The following CHMP4B variants were observed in gnomAD, a reference collection of about 807,000 sequenced individuals.
CHMP4B encodes the protein SNF7 homolog associated with Alix 1.
Under a neutral mutation model 25.1 loss-of-function variants are expected in CHMP4B, and 1 was observed. The ratio of observed to expected loss-of-function variants is 0.04; its 90% CI spans 0.01 to 0.19. CHMP4B has a LOEUF of 0.19. Among genes scored for constraint, CHMP4B ranks in the 10% least tolerant of loss-of-function variants. The pLI, the probability that CHMP4B is intolerant of heterozygous loss-of-function variation, is 1.00. For missense variants in CHMP4B, 151 were observed against 289.7 expected (o/e 0.52, Z 3.48); for synonymous variants, 101 against 115.6 (o/e 0.87, Z 0.81).
rs55917511 is a variant in CHMP4B, at chr20:33,830,933, G to GT, written c.191-17518dup. 8.8e-3 allele frequency among the ~76,000 whole-genome samples: 900 copies of GT among 102,524 alleles called. 42 individuals carry two copies. Among genetic ancestry groups the GT allele is most frequent in the Non-Finnish European group, 9.5e-3 (507 of 53,446 alleles). 67.3% of individuals were successfully genotyped at this position (102,524 alleles called of 152,430 possible). ...TGAATTAATTGTTCAAAGGAACAGA[G>GT]TTTTTTTTTTTTTTTTAGTTTTTTT... On this transcript the variant is annotated intron_variant, in intron 1 of 4. Transcript: ENST00000217402.
At chr20:33,843,608 A>T (rs1979602404) in intron 1 of CHMP4B, among the ~76,000 whole-genome samples, 1 of 152,246 alleles carries the variant, frequency 6.6e-6, no homozygotes, top group African/African-American at 2.4e-5. Context: ...TTATGAAAAC[A>T]TTGGGTTGGT....
At chr20:33,835,650 G>T (rs1979372425) in intron 1 of CHMP4B, among the ~76,000 whole-genome samples, 1 of 152,192 alleles carries the variant, frequency 6.6e-6, no homozygotes, top group Admixed American at 6.5e-5. Context: ...CGATGTAGGT[G>T]TTTAAAAAGA....
At chr20:33,824,996 TC>T (rs1433260349) in intron 1 of CHMP4B, among the ~76,000 whole-genome samples, 2 of 152,100 alleles carry the variant, frequency 1.3e-5, no homozygotes, top group African/African-American at 4.8e-5. Flanking sequence ...TACTTTTCAT[TC>T]TACCCTTTTG....
intron 1 of CHMP4B, among the ~76,000 whole-genome samples, chr20:33,833,486 A>G (rs572397711): frequency 6.6e-6 from 1 of 152,250 alleles, no homozygotes; most frequent in South Asian, 2.1e-4. Context: ...CCTCTGGATT[A>G]TTGCAGTGGT....
At chr20:33,839,743 C>A (rs576372211) in intron 1 of CHMP4B, among the ~76,000 whole-genome samples, 1 of 152,080 alleles carries the variant, frequency 6.6e-6, no homozygotes, top group Admixed American at 6.5e-5. Context: ...CTGCTTGGTG[C>A]GGGGTAGACG....
chr20:33,837,407 A>G (rs2122802193), intron 1 of CHMP4B, among the ~76,000 whole-genome samples: 1 of 152,180 alleles, frequency 6.6e-6, no homozygotes, highest in East Asian at 1.9e-4. Context: ...TTGAGCTTCA[A>G]CCATTAGGAA....
rs1315590678 is a variant in CHMP4B at position 33,853,900 on chromosome 20, T to C, written c.*340T>C. 3.4e-5 allele frequency: 14 copies of C among 407,442 alleles called. No homozygotes were observed. Among genetic ancestry groups the C allele is most frequent in the East Asian group, 5.5e-5 (1 of 18,072 alleles). The allele number at this position is 407,442 out of a possible 1,614,324, so 25.2% of individuals were successfully genotyped here. A position where few individuals can be genotyped will look rare whatever the true frequency, so the allele number is the denominator to read the frequency against. The stretch of plus-strand genomic sequence containing the variant: ...AATGGAAAGGGTCGACTGGTTGCAG[T>C]TGAAATGACCTGAAATGTAGCCTCT... On this transcript the variant is annotated 3_prime_UTR_variant, in exon 5 of 5. Transcript: ENST00000217402.
chr20:33,851,293 G>C (rs148104800), intron 3 of CHMP4B, among the ~76,000 whole-genome samples: 43 of 152,322 alleles, frequency 2.8e-4, no homozygotes, highest in African/African-American at 1.0e-3. Flanking sequence ...GCAGGCTTCA[G>C]GTCACTAACT....
intron 1 of CHMP4B, among the ~76,000 whole-genome samples, chr20:33,822,734 GAGGTGTAAAGGACACAGCAATAT>G (rs1601318041): frequency 6.6e-6 from 1 of 152,278 alleles, no homozygotes; most frequent in East Asian, 1.9e-4. Flanking sequence ...GGTAATTTTG[GAGGTGTAAAGGACACAGCAATAT>G]AGGCCCAGGC....
At chr20:33,820,803 G>A (rs1978918210) in intron 1 of CHMP4B, among the ~76,000 whole-genome samples, 1 of 152,060 alleles carries the variant, frequency 6.6e-6, no homozygotes, top group Non-Finnish European at 1.5e-5. Flanking sequence ...AGAGTTTTTT[G>A]CGAAAGAAAA....
chr20:33,834,258 G>T (rs958961880), intron 1 of CHMP4B, among the ~76,000 whole-genome samples: 1 of 151,516 alleles, frequency 6.6e-6, no homozygotes, highest in Admixed American at 6.6e-5. Context: ...TTTTCACTTC[G>T]ATCTTTATTC....
intron 1 of CHMP4B, among the ~76,000 whole-genome samples, chr20:33,817,392 A>G (rs1380492523): frequency 1.3e-5 from 2 of 152,244 alleles, no homozygotes; most frequent in Non-Finnish European, 2.9e-5. Context: ...ATTGCCTGCC[A>G]GAGTAGGTTT....
intron 1 of CHMP4B, among the ~76,000 whole-genome samples, chr20:33,837,310 C>T (rs558140522): frequency 1.3e-5 from 2 of 152,054 alleles, no homozygotes; most frequent in Admixed American, 6.5e-5. Flanking sequence ...GAGATTGTGC[C>T]ACTGCACTCC....
chr20:33,848,385 A>G, intron 1 of CHMP4B, 82 bp from the exon 2 acceptor site: 1 of 1,382,888 alleles, frequency 7.2e-7, no homozygotes, highest in Admixed American at 1.8e-5. Context: ...TGCTTCCAGT[A>G]GAGTTGGGGA....
intron 1 of CHMP4B, among the ~76,000 whole-genome samples, chr20:33,835,898 G>A (rs922765758): frequency 2.0e-5 from 3 of 152,074 alleles, no homozygotes; most frequent in African/African-American, 7.2e-5. Flanking sequence ...CAGCTCTTTC[G>A]GGAACTGAAT....
intron 1 of CHMP4B, among the ~76,000 whole-genome samples, chr20:33,847,984 G>C (rs149290551): frequency 6.6e-6 from 1 of 152,164 alleles, no homozygotes; most frequent in East Asian, 1.9e-4. Context: ...AATTTAGGTG[G>C]CATAAAATAG....
chr20:33,825,531 A>G (rs1349591406), intron 1 of CHMP4B, among the ~76,000 whole-genome samples: 2 of 152,146 alleles, frequency 1.3e-5, no homozygotes, highest in African/African-American at 4.8e-5. Context: ...TCCTGAAACC[A>G]TGAGCTGTCT....
chr20:33,813,009 G>A (rs113313062), intron 1 of CHMP4B, among the ~76,000 whole-genome samples: 115 of 152,276 alleles, frequency 7.6e-4, no homozygotes, highest in Admixed American at 1.2e-3. Context: ...GGGGTGATAA[G>A]TACTAAACAC....
chr20:33,815,582 C>T (rs563212600), intron 1 of CHMP4B, among the ~76,000 whole-genome samples: 5 of 152,238 alleles, frequency 3.3e-5, no homozygotes, highest in Non-Finnish European at 5.9e-5. Flanking sequence ...TTTGGAAAAC[C>T]GCTCAGCATC....
Sources: allele counts gnomAD v4.1 joint callset (sites outside exome capture counted in the v4.1 genomes callset), GRCh38; gene constraint gnomAD v4.1.1; transcripts MANE v1.5; gene names NCBI Gene and HGNC (gene_info 2026-07-23, HGNC 2026-07-21).